The following GTF2F1 variants were observed in gnomAD, a reference collection of about 807,000 sequenced individuals.
GTF2F1 encodes general transcription factor IIF subunit 1.
Under a neutral mutation model 63.5 loss-of-function variants are expected in GTF2F1, and 39 were observed. That is an observed-to-expected ratio of 0.61 (90% CI 0.48 to 0.80). GTF2F1 has a LOEUF of 0.80. Ranked by LOEUF, GTF2F1 falls within the 30% of genes least tolerant of loss-of-function variation. The pLI, the probability that GTF2F1 is intolerant of heterozygous loss-of-function variation, is 0.00. For missense variants in GTF2F1, 657 were observed against 718.3 expected, an observed-to-expected ratio of 0.91 and a Z score of 0.97; for synonymous variants, 287 against 285.3, an observed-to-expected ratio of 1.01 and a Z score of -0.06.
chr19:6,392,747 G>A, intron 2 of GTF2F1, 110 bp downstream of exon 2: 1 of 1,079,230 alleles, frequency 9.3e-7, no homozygotes, highest in Non-Finnish European at 1.4e-6. Flanking sequence ...AGTCTCTCCC[G>A]GTCTGGAGGG....
chr19:6,392,187 C>G (rs776321930), intron 2 of GTF2F1: 1 of 611,558 alleles, frequency 1.6e-6, no homozygotes, highest in East Asian at 3.5e-5. Context: ...CAATTCAATT[C>G]ACTCAACAAA....
Position 6,389,555 on chromosome 19 carries a change from T to A in GTF2F1, c.215A>T (p.Asn72Ile). ...MPESGAGSEF[N>I]RKLREEARRK... ...CCGAGCCTCCTCCCGAAGCTTGCGG[T>A]TGAACTCACTGCCCGCGCCCGATTC... is the stretch of plus-strand genomic sequence containing the variant. Residue 72 changes from asparagine (N) to isoleucine (I), a missense_variant, in exon 4 of 13, where the codon AAC becomes ATC. Asn to Ile is a moderately radical substitution (Grantham distance 149, BLOSUM62 -3). Coordinates refer to ENST00000394456, the MANE Select transcript of GTF2F1 (RefSeq NM_002096.3). 1 of 1,614,230 alleles carries A rather than the reference T, an allele frequency of 6.2e-7. No individual in the cohort carries two copies. The highest frequency in any genetic ancestry group is 8.5e-7 in the Non-Finnish European group (1 of 1,180,026).
In GTF2F1 at chr19:6,381,200, G is replaced by A. The variant is rs115294901; in HGVS notation, c.1019-5C>T. 5.8e-3 allele frequency: 9,361 copies of A among 1,605,134 alleles called. 433 individuals carry two copies. In the African/African-American group the frequency reaches 0.11, roughly 19 times the overall value. On this transcript the variant is annotated splice_polypyrimidine_tract_variant and splice_region_variant and intron_variant, in intron 9 of 12. Coordinates refer to ENST00000394456, the MANE Select transcript of GTF2F1 (RefSeq NM_002096.3). This position sits in a 1 kb window ranked among gnomAD's most constrained non-coding sequence, Gnocchi z 4.1. ...TGTCCGACTCCTCGCTGCTGTCTGC[G>A]GGGCACAGGAAAGGGGTCAGGGCCA...
chr19:6,389,825 C>G (rs73563892), intron 3 of GTF2F1, 188 bp from the exon 4 acceptor site: 110 of 516,530 alleles, frequency 2.1e-4, no homozygotes, highest in African/African-American at 1.8e-3. Flanking sequence ...GCGAGCCTTG[C>G]GCTCTATTTT....
intron 5 of GTF2F1, 38 bp downstream of exon 5, chr19:6,387,351 C>T (rs1013985934): frequency 1.7e-5 from 27 of 1,598,898 alleles, no homozygotes; most frequent in Non-Finnish European, 2.3e-5. Flanking sequence ...ACCCCATTTC[C>T]CTCACTTCTG....
rs750887134 is a variant in GTF2F1 at position 6,383,234 on chromosome 19, C to T, written c.682+77G>A. ...CCTCTCATTCTAGGGCCACTGTGAG[C>T]GATGGTAGACTTTGCCTTCACTGGC... On this transcript the variant is annotated intron_variant, in intron 6 of 12. Transcript: ENST00000394456. The surrounding 1 kb of genome is among the most constrained non-coding windows in gnomAD (Gnocchi z 4.5). 179 of 1,460,132 alleles carry T rather than the reference C, an allele frequency of 1.2e-4. No homozygotes were observed. The highest frequency in any genetic ancestry group is 1.5e-4 in the Non-Finnish European group (158 of 1,057,620). The allele number at this position is 1,460,132 out of a possible 1,614,324, so 90.4% of individuals were successfully genotyped here.
At position 6,381,723 on chromosome 19, in the gene GTF2F1, C is replaced by T. The variant is rs143508435; in HGVS notation, c.810G>A (p.Glu270=). 2.7e-5 allele frequency: 43 copies of T among 1,614,076 alleles called. No homozygotes were observed. Among genetic ancestry groups the T allele is most frequent in the Middle Eastern group, 3.3e-4 (2 of 6,084 alleles). The change falls in exon 7 of 13, where the codon GAG becomes GAA. Residue 270 remains glutamate (E), a synonymous_variant. Transcript: ENST00000394456. The surrounding 1 kb of genome is among the most constrained non-coding windows in gnomAD (Gnocchi z 4.1). The part of the protein sequence containing the change: ...DSDDGDFEGQ[E]VDYMSDGSSS... ...TGGAGCCGTCTGACATGTAGTCCAC[C>T]TCTTGGCCCTCGAAGTCCCCATCAT...
chr19:6,390,672 G>C (rs141378359), intron 3 of GTF2F1, among the ~76,000 whole-genome samples: 1 of 151,654 alleles, frequency 6.6e-6, no homozygotes, highest in Non-Finnish European at 1.5e-5. Context: ...TTGAGGTCAG[G>C]AGTTCAAGAC....
intron 2 of GTF2F1, 139 bp from the exon 3 acceptor site, chr19:6,392,113 A>G (rs1310152714): frequency 3.8e-5 from 26 of 678,792 alleles, no homozygotes; most frequent in South Asian, 3.1e-4. Context: ...ACTTTAATTC[A>G]ATCACTCAAT....
chr19:6,387,640 A>C, intron 4 of GTF2F1, 81 bp from the exon 5 acceptor site: 6 of 1,160,112 alleles, frequency 5.2e-6, no homozygotes, highest in Non-Finnish European at 7.5e-6. Flanking sequence ...TGCCTCCTTT[A>C]TGGCACTTGC....
At chr19:6,387,299 C>G (rs2091977383) in intron 5 of GTF2F1, 90 bp downstream of exon 5, 3 of 1,311,048 alleles carry the variant, frequency 2.3e-6, no homozygotes, top group Non-Finnish European at 2.1e-6. Flanking sequence ...CCTGAGTCCC[C>G]AGCTCCCAGC....
At position 6,387,617 on chromosome 19, in the gene GTF2F1, T is replaced by TC. The variant is rs370551251; in HGVS notation, c.327-59dup. 2.8e-5 allele frequency: 36 copies of TC among 1,268,526 alleles called. No homozygotes were observed. The African/African-American group carries it at 3.4e-4, about 12-fold the overall frequency. The allele number at this position is 1,268,526 out of a possible 1,614,324, so 78.6% of individuals were successfully genotyped here. ...AGGGACCAGCCCCAGCCCCCCCGTG[T>TC]CCCCCCGGGGCCTGCCTCCTTTATG... On this transcript the variant is annotated intron_variant, in intron 4 of 12. Transcript: ENST00000394456.
intron 3 of GTF2F1, among the ~76,000 whole-genome samples, chr19:6,391,449 T>G (rs376240169): frequency 0.089 from 12,002 of 134,146 alleles, 1,302 homozygotes; most frequent in African/African-American, 0.29. Flanking sequence ...GTTTTTTTTT[T>G]TTTTTTTTTT....
chr19:6,381,010 C>G lies in GTF2F1; in HGVS notation c.1125G>C (p.Lys375Asn). Residue 375 changes from lysine to asparagine, a missense_variant, in exon 11 of 13, where the codon AAG becomes AAC. Lys to Asn is a moderately conservative substitution (Grantham distance 94). Around this residue, in one of 2 missense-constraint regions of GTF2F1, gnomAD observed 602 missense variants for 625.6 expected, o/e 0.96. Coordinates refer to ENST00000394456, the MANE Select transcript of GTF2F1 (RefSeq NM_002096.3). The surrounding 1 kb of genome is among the most constrained non-coding windows in gnomAD (Gnocchi z 4.1). The stretch of plus-strand genomic sequence containing the variant: ...TGCCCCTTGAGCTCCCTCCCGACGG[C>G]TTCCGCTCTCTCTTGGGTGGCGTCT... Reference protein sequence around the residue: ...KKKTPPKRERKPSGGSSRGNS... With the variant: ...KKKTPPKRERNPSGGSSRGNS... 6.2e-7 allele frequency: 1 copy of G among 1,611,248 alleles called. No individual in the cohort carries two copies. The highest frequency in any genetic ancestry group is 8.5e-7 in the Non-Finnish European group (1 of 1,178,922).
intron 3 of GTF2F1, among the ~76,000 whole-genome samples, chr19:6,390,669 C>T (rs1418244221): frequency 1.3e-5 from 2 of 151,068 alleles, no homozygotes; most frequent in Non-Finnish European, 2.9e-5. Flanking sequence ...CACTTGAGGT[C>T]AGGAGTTCAA....
Position 6,380,323 on chromosome 19 carries a change from G to A in GTF2F1, c.1512C>T (p.Arg504=), listed in dbSNP as rs1599207791. ...AGTGCATTTTGTCGTTGATCATCTT[G>A]CGCTCGGGGTTGAGTCGCTTGAGGA... The part of the protein sequence containing the change: ...AQILKRLNPE[R]KMINDKMHFS... Residue 504 remains arginine (R), a synonymous_variant, in exon 13 of 13, where the codon CGC becomes CGT. Transcript: ENST00000394456. The surrounding 1 kb of genome is among the most constrained non-coding windows in gnomAD (Gnocchi z 5.3). 1.2e-6 allele frequency: 2 copies of A among 1,614,124 alleles called. No homozygotes were observed. The highest frequency in any genetic ancestry group is 2.2e-5 in the South Asian group (2 of 91,084).
rs745515448 is a variant in GTF2F1, at chr19:6,380,969, G to A, written c.1166C>T (p.Thr389Met). The A allele has an allele frequency of 7.5e-6, 12 of 1,602,056 alleles. No individual in the cohort carries two copies. Among genetic ancestry groups the A allele is most frequent in the African/African-American group, 2.7e-5 (2 of 74,772 alleles). Reference protein sequence around the residue: ...GSSRGNSRPGTPSAEGGSTSS... With the variant: ...GSSRGNSRPGMPSAEGGSTSS... ...GGTGCTGCCACCCTCTGCGCTGGGCGTGCCTGGGCGGCTGTTGCCCCTTGA... is the reference window on the plus strand; with the variant it reads ...GGTGCTGCCACCCTCTGCGCTGGGCATGCCTGGGCGGCTGTTGCCCCTTGA... The change falls in exon 11 of 13, where the codon ACG (threonine) becomes ATG (methionine). Residue 389 changes from threonine to methionine, a missense_variant. Thr to Met is a moderately conservative substitution (Grantham distance 81, BLOSUM62 -1). This residue lies in a region of GTF2F1 where 602 missense variants were observed against 625.6 expected (regional missense o/e 0.96). Transcript: ENST00000394456. The surrounding 1 kb of genome is among the most constrained non-coding windows in gnomAD (Gnocchi z 5.3).
At chr19:6,390,433 G>C (rs1194163196) in intron 3 of GTF2F1, 1 of 150,772 alleles carries the variant, frequency 6.6e-6, no homozygotes, top group Non-Finnish European at 1.5e-5. Flanking sequence ...TATAATCCCA[G>C]CTACTTGGGA....
intron 3 of GTF2F1, among the ~76,000 whole-genome samples, chr19:6,390,128 C>T (rs546634634): frequency 6.6e-5 from 10 of 152,284 alleles, no homozygotes; most frequent in Non-Finnish European, 1.3e-4. Flanking sequence ...GCAGAAGGAT[C>T]ACTTGAGCTC....
Sources: allele counts gnomAD v4.1 joint callset (sites outside exome capture counted in the v4.1 genomes callset), GRCh38; gene constraint gnomAD v4.1.1; regional missense constraint gnomAD v4.1.1; non-coding constraint Gnocchi (gnomAD v3.1); transcripts MANE v1.5; gene names NCBI Gene and HGNC (gene_info 2026-07-23, HGNC 2026-07-21).